Variants in KCNIP4 observed in about 807,000 individuals in gnomAD.
KCNIP4 encodes potassium voltage-gated channel interacting protein 4, also known as Kv channel-interacting protein 4.
KCNIP4 carries 12 observed loss-of-function variants against 34.0 expected under a neutral mutation model. The ratio of observed to expected loss-of-function variants is 0.35; its 90% CI spans 0.23 to 0.57. The LOEUF is 0.57. Ranked by LOEUF, KCNIP4 falls within the 20% of genes least tolerant of loss-of-function variation. KCNIP4 has a pLI of 0.83. For missense variants in KCNIP4, 238 were observed against 311.7 expected, an observed-to-expected ratio of 0.76 and a Z score of 1.78; for synonymous variants, 124 against 102.2, an observed-to-expected ratio of 1.21 and a Z score of -1.29.
At position 20,780,075 on chromosome 4, in the gene KCNIP4, G is replaced by A. The variant is rs534863795; in HGVS notation, c.289-21185C>T. Among the ~76,000 whole-genome samples the A allele has an allele frequency of 5.3e-5, 8 of 152,256 alleles. No individual in the cohort carries two copies. The South Asian group carries it at 1.7e-3, about 32-fold the overall frequency. ...GGATAAGGAAGTAGGGATGTTCAAG[G>A]GTATTTCAGGAAATCAACCATATAG... On this transcript the variant is annotated intron_variant, in intron 3 of 8. Coordinates refer to ENST00000382152, the MANE Select transcript of KCNIP4 (RefSeq NM_025221.6).
chr4:21,484,416 A>G (rs888697472), intron 1 of KCNIP4, among the ~76,000 whole-genome samples: 1 of 151,500 alleles, frequency 6.6e-6, no homozygotes. Flanking sequence ...GACAAGAGCG[A>G]AACTCCGTCA....
chr4:20,799,001 T>C (rs187102225), intron 3 of KCNIP4, among the ~76,000 whole-genome samples: 34 of 152,328 alleles, frequency 2.2e-4, no homozygotes, highest in Non-Finnish European at 4.3e-4. Context: ...GAGACACTAC[T>C]AGAGTGCATC....
chr4:21,234,126 ATATATAACG>A (rs1233851746), intron 1 of KCNIP4, among the ~76,000 whole-genome samples: 3 of 97,602 alleles, frequency 3.1e-5, no homozygotes, highest in African/African-American at 5.0e-5. Context: ...TATATATAAC[ATATATAACG>A]TATATTATAT....
intron 1 of KCNIP4, among the ~76,000 whole-genome samples, chr4:20,960,590 G>A (rs1577439546): frequency 6.6e-6 from 1 of 152,204 alleles, no homozygotes; most frequent in Admixed American, 6.5e-5. Flanking sequence ...GCAAGGAATG[G>A]AAATCTGTGC....
chr4:21,309,829 A>G (rs1712930328), intron 1 of KCNIP4, among the ~76,000 whole-genome samples: 1 of 152,186 alleles, frequency 6.6e-6, no homozygotes, highest in East Asian at 1.9e-4. Context: ...AAAAGTCTTT[A>G]AGAAAGTATG....
At chr4:21,923,089 G>T (rs1464209797) in intron 1 of KCNIP4, among the ~76,000 whole-genome samples, 1 of 152,046 alleles carries the variant, frequency 6.6e-6, no homozygotes, top group Non-Finnish European at 1.5e-5. Flanking sequence ...TCTCACAGCT[G>T]CCACCCTATT....
chr4:20,987,328 C>G (rs997926253), intron 1 of KCNIP4, among the ~76,000 whole-genome samples: 6 of 152,144 alleles, frequency 3.9e-5, no homozygotes, highest in Admixed American at 1.3e-4. Flanking sequence ...ATTAAAACAT[C>G]CTGGCTTTCT....
At chr4:20,798,811 T>C (rs1553898011) in intron 3 of KCNIP4, among the ~76,000 whole-genome samples, 1 of 152,162 alleles carries the variant, frequency 6.6e-6, no homozygotes, top group Non-Finnish European at 1.5e-5. Context: ...GCCTTTGTTA[T>C]CAGAGACTCC....
At chr4:21,649,220 T>G (rs1747281569) in intron 1 of KCNIP4, among the ~76,000 whole-genome samples, 1 of 152,178 alleles carries the variant, frequency 6.6e-6, no homozygotes, top group South Asian at 2.1e-4. Context: ...AAGAGAAAGA[T>G]AATTAAAAGG....
intron 1 of KCNIP4, among the ~76,000 whole-genome samples, chr4:21,504,845 G>GT (rs1733697546): frequency 6.6e-6 from 1 of 152,166 alleles, no homozygotes; most frequent in East Asian, 1.9e-4. Context: ...TTTTGACGAT[G>GT]TTACCAAATT....
chr4:20,743,476 A>G (rs920963125), intron 5 of KCNIP4, among the ~76,000 whole-genome samples: 2 of 152,128 alleles, frequency 1.3e-5, no homozygotes, highest in Non-Finnish European at 2.9e-5. Context: ...CACATCTACA[A>G]CCATCTGATC....
At chr4:21,268,971 A>C (rs1248551503) in intron 1 of KCNIP4, among the ~76,000 whole-genome samples, 5 of 152,198 alleles carry the variant, frequency 3.3e-5, no homozygotes, top group African/African-American at 4.8e-5. Context: ...TCTTGTCTTA[A>C]TTATAAACCT....
intron 1 of KCNIP4, among the ~76,000 whole-genome samples, chr4:21,334,402 A>G (rs1205189477): frequency 6.6e-6 from 1 of 152,060 alleles, no homozygotes; most frequent in East Asian, 1.9e-4. Context: ...TGTTGAGAAT[A>G]TAAGTATTAT....
intron 3 of KCNIP4, among the ~76,000 whole-genome samples, chr4:20,787,842 T>G (rs973464009): frequency 5.9e-5 from 9 of 152,170 alleles, no homozygotes; most frequent in African/African-American, 2.2e-4. Context: ...ATAATTTTTC[T>G]TTTTAAAGCA....
chr4:21,142,779 C>A (rs990070355), intron 1 of KCNIP4, among the ~76,000 whole-genome samples: 1 of 152,066 alleles, frequency 6.6e-6, no homozygotes, highest in Non-Finnish European at 1.5e-5. Flanking sequence ...AATCCTAATG[C>A]CCTGTAATGA....
At chr4:21,265,959 C>T (rs1761779542) in intron 1 of KCNIP4, among the ~76,000 whole-genome samples, 1 of 152,224 alleles carries the variant, frequency 6.6e-6, no homozygotes, top group South Asian at 2.1e-4. Context: ...ATTTCTTGAG[C>T]ACTTGCTCAT....
At chr4:21,854,824 T>G (rs912547030) in intron 1 of KCNIP4, among the ~76,000 whole-genome samples, 1 of 152,202 alleles carries the variant, frequency 6.6e-6, no homozygotes, top group Non-Finnish European at 1.5e-5. Context: ...AAGCTCACCC[T>G]CTCTAAGAGT....
At chr4:21,074,685 G>C (rs375576136) in intron 1 of KCNIP4, among the ~76,000 whole-genome samples, 2 of 152,072 alleles carry the variant, frequency 1.3e-5, no homozygotes, top group Non-Finnish European at 1.5e-5. Flanking sequence ...GCTAGCTTTT[G>C]AATGTGTTTG....
chr4:21,500,098 G>A (rs1733190483), intron 1 of KCNIP4, among the ~76,000 whole-genome samples: 2 of 152,092 alleles, frequency 1.3e-5, no homozygotes, highest in Admixed American at 1.3e-4. Context: ...CTTTTATGAA[G>A]CCCAACATGT....
Sources: gnomAD v4.1 joint callset for allele counts (sites outside exome capture counted in the v4.1 genomes callset) on GRCh38, gnomAD v4.1.1 for gene constraint, MANE v1.5 for transcripts, NCBI Gene and HGNC (gene_info 2026-07-23, HGNC 2026-07-21) for gene names.